Variants in AP4S1 observed in about 807,000 individuals in gnomAD.
AP4S1 encodes AP-4 complex subunit sigma-1.
AP4S1 carries 23 observed loss-of-function variants against 19.8 expected under a neutral mutation model. The ratio of observed to expected loss-of-function variants is 1.16; its 90% CI spans 0.84 to 1.65. The LOEUF is 1.65. Ranked by LOEUF, AP4S1 falls within the 40% of genes most tolerant of loss-of-function variation. AP4S1 has a pLI of 0.00. For missense variants in AP4S1, 166 were observed against 172.8 expected, an observed-to-expected ratio of 0.96 and a Z score of 0.22; for synonymous variants, 46 against 54.1, an observed-to-expected ratio of 0.85 and a Z score of 0.66.
intron 3 of AP4S1, among the ~76,000 whole-genome samples, chr14:31,070,235 G>A (rs949181174): frequency 6.6e-6 from 1 of 151,982 alleles, no homozygotes; most frequent in Non-Finnish European, 1.5e-5. Flanking sequence ...CTCATGATCC[G>A]CCTGCCTCAG....
At chr14:31,047,686 T>C (rs940424489) in intron 1 of AP4S1, among the ~76,000 whole-genome samples, 1 of 152,074 alleles carries the variant, frequency 6.6e-6, no homozygotes, top group African/African-American at 2.4e-5. Context: ...TGAGCCACCG[T>C]GCCCAGCCTT....
intron 4 of AP4S1, among the ~76,000 whole-genome samples, chr14:31,073,697 C>T (rs1036469028): frequency 1.3e-5 from 2 of 151,258 alleles, no homozygotes; most frequent in Admixed American, 6.6e-5. Context: ...CGTGCCACCA[C>T]GCCCAGCTAA....
At position 31,092,888 on chromosome 14, in the gene AP4S1, T is replaced by A. The variant is rs1414884267; in HGVS notation, c.307-19T>A. ...TAATAATTTTTAACTTTAAACTAAT[T>A]TCCTTAATATAACCGTAGATAATGT... On this transcript the variant is annotated intron_variant, in intron 5 of 5. Transcript: ENST00000542754. 1 of 1,480,182 alleles carries A rather than the reference T, an allele frequency of 6.8e-7. No individual in the cohort carries two copies. The highest frequency in any genetic ancestry group is 9.0e-7 in the Non-Finnish European group (1 of 1,105,658). The allele number at this position is 1,480,182 out of a possible 1,614,324, so 91.7% of individuals were successfully genotyped here.
At chr14:31,072,065 C>A (rs1182345421) in intron 3 of AP4S1, among the ~76,000 whole-genome samples, 1 of 151,634 alleles carries the variant, frequency 6.6e-6, no homozygotes, top group East Asian at 1.9e-4. Context: ...CTCAGCCTCC[C>A]ACGTAGCTGG....
At chr14:31,054,416 A>T (rs906632253) in intron 1 of AP4S1, among the ~76,000 whole-genome samples, 3 of 151,950 alleles carry the variant, frequency 2.0e-5, no homozygotes, top group African/African-American at 7.3e-5. Context: ...GGGCCCAGTG[A>T]CTCACGCCTG....
At chr14:31,076,806 A>G (rs150875212) in intron 4 of AP4S1, among the ~76,000 whole-genome samples, 4 of 152,302 alleles carry the variant, frequency 2.6e-5, no homozygotes, top group African/African-American at 9.6e-5. Context: ...GTAGCTTTGT[A>G]TCAAGTTCGA....
At chr14:31,049,664 T>C (rs1199748046) in intron 1 of AP4S1, among the ~76,000 whole-genome samples, 6 of 151,764 alleles carry the variant, frequency 4.0e-5, no homozygotes, top group African/African-American at 1.2e-4. Flanking sequence ...ATTTATTTGT[T>C]TGTTTATTTT....
At chr14:31,062,254 A>G (rs940014800) in intron 1 of AP4S1, among the ~76,000 whole-genome samples, 7 of 151,856 alleles carry the variant, frequency 4.6e-5, no homozygotes, top group Non-Finnish European at 1.0e-4. Flanking sequence ...GCCCACCACC[A>G]TGTCCAGCTA....
intron 5 of AP4S1, among the ~76,000 whole-genome samples, chr14:31,092,030 T>C (rs547138466): frequency 1.2e-3 from 180 of 152,336 alleles, no homozygotes; most frequent in Non-Finnish European, 2.0e-3. Flanking sequence ...TTCTTTGTGG[T>C]TTGCTAGACA....
In AP4S1 at chr14:31,066,410, G is replaced by A. The variant is rs1165525566; in HGVS notation, c.138+76G>A. 7 of 1,576,782 alleles carry A rather than the reference G, an allele frequency of 4.4e-6. No homozygotes were observed. In the African/African-American group the frequency reaches 9.5e-5, roughly 21 times the overall value. ...GATTTGTTATTAGTGAGTCTCAGGG[G>A]CCATCATTTTCTTTGAGCTATATTC... On this transcript the variant is annotated intron_variant, in intron 2 of 5. Transcript: ENST00000542754.
chr14:31,054,346 G>T (rs1020471957), intron 1 of AP4S1, among the ~76,000 whole-genome samples: 1 of 152,126 alleles, frequency 6.6e-6, no homozygotes, highest in African/African-American at 2.4e-5. Context: ...AATGACCTGG[G>T]CAACATAGCA....
intron 5 of AP4S1, among the ~76,000 whole-genome samples, chr14:31,081,525 C>A (rs964477885): frequency 6.6e-6 from 1 of 152,094 alleles, no homozygotes; most frequent in Non-Finnish European, 1.5e-5. Context: ...AGGCTTTGTG[C>A]GAGTGTTTGG....
intron 1 of AP4S1, among the ~76,000 whole-genome samples, chr14:31,039,580 T>TG (rs1473709382): frequency 4.0e-5 from 6 of 148,496 alleles, no homozygotes; most frequent in African/African-American, 1.0e-4. Context: ...TTGTTTTTTT[T>TG]TTTTTTTTTT....
chr14:31,034,277 C>T (rs7141291), intron 1 of AP4S1, among the ~76,000 whole-genome samples: 35,655 of 151,984 alleles, frequency 0.23, 4,421 homozygotes, highest in Non-Finnish European at 0.26. Flanking sequence ...TGATGGTAAC[C>T]TTTAGTTTTG....
At chr14:31,039,896 G>T (rs1885013618) in intron 1 of AP4S1, among the ~76,000 whole-genome samples, 3 of 152,092 alleles carry the variant, frequency 2.0e-5, no homozygotes. Context: ...GCCAATAGGT[G>T]TAGTTTTACA....
At chr14:31,045,194 G>A (rs534850380) in intron 1 of AP4S1, among the ~76,000 whole-genome samples, 60 of 152,178 alleles carry the variant, frequency 3.9e-4, no homozygotes, top group African/African-American at 1.3e-3. Context: ...GAGCCACCAC[G>A]CCCAGCCTGT....
At chr14:31,076,250 T>C (rs1158582206) in intron 4 of AP4S1, among the ~76,000 whole-genome samples, 1 of 152,182 alleles carries the variant, frequency 6.6e-6, no homozygotes, top group African/African-American at 2.4e-5. Context: ...AAAGTGTTGG[T>C]GTGATTCAAA....
chr14:31,043,976 G>T (rs1885253376), intron 1 of AP4S1, among the ~76,000 whole-genome samples: 1 of 152,066 alleles, frequency 6.6e-6, no homozygotes, highest in African/African-American at 2.4e-5. Flanking sequence ...AAGACATATG[G>T]CATTTAGAAA....
At chr14:31,062,074 GA>G (rs780960976) in intron 1 of AP4S1, among the ~76,000 whole-genome samples, 1 of 152,008 alleles carries the variant, frequency 6.6e-6, no homozygotes, top group Non-Finnish European at 1.5e-5. Flanking sequence ...TGAATGGGAA[GA>G]TTTTTTTAAT....
Sources: allele counts gnomAD v4.1 joint callset (sites outside exome capture counted in the v4.1 genomes callset), GRCh38; gene constraint gnomAD v4.1.1; transcripts MANE v1.5; gene names NCBI Gene and HGNC (gene_info 2026-07-23, HGNC 2026-07-21).